The following DNAH17 variants were observed in gnomAD, a reference collection of about 807,000 sequenced individuals.
The protein encoded by DNAH17 is dynein axonemal heavy chain 17.
DNAH17 carries 376 observed loss-of-function variants against 485.6 expected under a neutral mutation model. The ratio of observed to expected loss-of-function variants is 0.77; its 90% CI spans 0.71 to 0.84. The LOEUF (loss-of-function observed/expected upper bound fraction) is 0.84. Ranked by LOEUF, DNAH17 falls within the 40% of genes least tolerant of loss-of-function variation. The probability of loss-of-function intolerance (pLI) is 0.00; values close to 1 mark genes in which losing one functional copy is unlikely to be tolerated. For synonymous variants in DNAH17, 3,031 were observed against 2,405.9 expected (o/e 1.26, Z -7.60); for missense variants, 6,370 against 5,839.3 (o/e 1.09, Z -2.96).
At chr17:78,436,718 G>A (rs1686593966) in intron 74 of DNAH17, among the ~76,000 whole-genome samples, 1 of 152,068 alleles carries the variant, frequency 6.6e-6, no homozygotes, top group South Asian at 2.1e-4. Flanking sequence ...GGTGGTGCAT[G>A]CCTGTAATCC....
chr17:78,543,046 G>A (rs73999116), intron 17 of DNAH17, among the ~76,000 whole-genome samples: 1,567 of 152,330 alleles, frequency 0.01, 37 homozygotes, highest in East Asian at 0.073. Flanking sequence ...AGAGGAACCA[G>A]GCTTGGAAGT....
intron 16 of DNAH17, among the ~76,000 whole-genome samples, chr17:78,545,139 T>A (rs1032365592): frequency 1.3e-5 from 2 of 152,200 alleles, no homozygotes; most frequent in African/African-American, 4.8e-5. Context: ...CGATGAAGAC[T>A]TAGATCACCC....
At chr17:78,544,322 C>T (rs560938575) in intron 16 of DNAH17, among the ~76,000 whole-genome samples, 12 of 152,242 alleles carry the variant, frequency 7.9e-5, no homozygotes, top group East Asian at 3.9e-4. Context: ...TTTAGGGGGA[C>T]GGAAGGACCC....
At chr17:78,426,725 A>G in intron 78 of DNAH17, 125 bp from the exon 79 acceptor site, 1 of 1,392,416 alleles carries the variant, frequency 7.2e-7, no homozygotes, top group South Asian at 1.4e-5. Context: ...GACGCCCTGC[A>G]TCAGGGCCAC....
At chr17:78,503,139 G>A (rs937595625) in intron 31 of DNAH17, 128 bp from the exon 32 acceptor site, 37 of 819,428 alleles carry the variant, frequency 4.5e-5, no homozygotes, top group Non-Finnish European at 5.7e-5. Flanking sequence ...GACAGGTCAA[G>A]GATTTTACAG....
At chr17:78,546,715 G>T (rs1310553445) in intron 16 of DNAH17, among the ~76,000 whole-genome samples, 3 of 152,186 alleles carry the variant, frequency 2.0e-5, no homozygotes, top group Admixed American at 6.5e-5. Flanking sequence ...AGACCTGCCT[G>T]AACAACATGG....
intron 70 of DNAH17, among the ~76,000 whole-genome samples, chr17:78,445,050 T>G (rs1035791300): frequency 1.3e-5 from 2 of 152,168 alleles, no homozygotes; most frequent in African/African-American, 4.8e-5. Context: ...GGCTAGGGGC[T>G]GCTTCTCTAG....
intron 77 of DNAH17, among the ~76,000 whole-genome samples, chr17:78,427,932 C>T (rs1054534086): frequency 2.0e-5 from 3 of 148,144 alleles, no homozygotes; most frequent in Non-Finnish European, 4.4e-5. Flanking sequence ...TGCCATTGCA[C>T]TCCAGCCTGG....
rs691710 is a variant in DNAH17, at chr17:78,515,189, G to A, written c.3865-167C>T. On this transcript the variant is annotated intron_variant, in intron 25 of 80. Coordinates refer to ENST00000389840, the MANE Select transcript of DNAH17 (RefSeq NM_173628.4). Reference sequence around the variant, plus strand: ...TGATTAGATACAAGAAAAAACAACCGTGGCGTCACAAAAGGTAAGATTTAA... The same window carrying A: ...TGATTAGATACAAGAAAAAACAACCATGGCGTCACAAAAGGTAAGATTTAA... Among the ~76,000 whole-genome samples the A allele has an allele frequency of 0.25, 37,425 of 152,008 alleles. 5,121 individuals carry two copies. The highest frequency in any genetic ancestry group is 0.47 in the East Asian group (2,422 of 5,160).
chr17:78,431,354 C>T (rs958933807), intron 75 of DNAH17, among the ~76,000 whole-genome samples: 10 of 152,234 alleles, frequency 6.6e-5, no homozygotes, highest in Non-Finnish European at 1.5e-4. Flanking sequence ...CTGTGCCCCT[C>T]TCCCCCTCCT....
chr17:78,569,642 A>C (rs1598745318), intron 7 of DNAH17, 115 bp from the exon 8 acceptor site: 2 of 1,302,642 alleles, frequency 1.5e-6, no homozygotes, highest in Non-Finnish European at 1.0e-6. Context: ...TCTGAAAATA[A>C]CCCCTCCTAT....
chr17:78,550,740 A>G (rs1426519410), intron 16 of DNAH17, among the ~76,000 whole-genome samples: 1 of 152,132 alleles, frequency 6.6e-6, no homozygotes, highest in Non-Finnish European at 1.5e-5. Flanking sequence ...CCGCCCTAGC[A>G]AACACACACA....
intron 16 of DNAH17, among the ~76,000 whole-genome samples, chr17:78,544,778 G>A (rs1246819547): frequency 9.7e-6 from 1 of 102,914 alleles, no homozygotes; most frequent in Non-Finnish European, 1.9e-5. Flanking sequence ...TCCAGCCTGG[G>A]GCACAGAGCG....
rs11399691 is a variant in DNAH17 at position 78,439,665 on chromosome 17, C to CTTT, written c.11678-451_11678-449dup. Among the ~76,000 whole-genome samples the CTTT allele has an allele frequency of 9.7e-3, 897 of 92,106 alleles. 26 individuals carry two copies. The highest frequency in any genetic ancestry group is 0.022 in the Middle Eastern group (2 of 90). The allele number at this position is 92,106 out of a possible 152,430, so 60.4% of individuals were successfully genotyped here. A position where few individuals can be genotyped will look rare whatever the true frequency, so the allele number is the denominator to read the frequency against. ...CGTTGTAGCATGTATCAGTACTTCA[C>CTTT]TTTTTTTTTTTTTTTTTTTTTTGAG... On this transcript the variant is annotated intron_variant, in intron 72 of 80. Coordinates refer to ENST00000389840, the MANE Select transcript of DNAH17 (RefSeq NM_173628.4).
At chr17:78,439,026 G>A in intron 73 of DNAH17, 64 bp downstream of exon 73, 2 of 1,572,294 alleles carry the variant, frequency 1.3e-6, no homozygotes, top group Admixed American at 1.9e-5. Context: ...GGGCCTTCTG[G>A]CCCATCCCCA....
intron 48 of DNAH17, among the ~76,000 whole-genome samples, chr17:78,484,574 T>A (rs953951550): frequency 6.6e-6 from 1 of 151,352 alleles, no homozygotes; most frequent in Non-Finnish European, 1.5e-5. Context: ...GGAAGGAGGA[T>A]CCCCCCCTCC....
At position 78,500,529 on chromosome 17, in the gene DNAH17, G is replaced by A. The variant is rs567777801; in HGVS notation, c.5484-68C>T. The stretch of plus-strand genomic sequence containing the variant: ...GGCCTCCCTGCTTTTATTTTTTTGA[G>A]ACAGAGTCTCACTCTGTCACCCAGG... On this transcript the variant is annotated intron_variant, in intron 35 of 80. Transcript: ENST00000389840. The A allele has an allele frequency of 1.2e-5, 18 of 1,449,868 alleles. No homozygotes were observed. The South Asian group carries it at 2.0e-4, about 16-fold the overall frequency. 89.8% of individuals were successfully genotyped at this position (1,449,868 alleles called of 1,614,324 possible).
chr17:78,495,814 G>A, intron 38 of DNAH17, 61 bp downstream of exon 38: 1 of 1,570,042 alleles, frequency 6.4e-7, no homozygotes, highest in South Asian at 1.2e-5. Context: ...CCTTGGCACT[G>A]GGACGTTGCT....
chr17:78,491,809 C>T (rs1450940144), intron 42 of DNAH17, among the ~76,000 whole-genome samples: 1 of 152,224 alleles, frequency 6.6e-6, no homozygotes, highest in Non-Finnish European at 1.5e-5. Context: ...CTGCACCCTC[C>T]CTGTCAGCCC....
Sources: gnomAD v4.1 joint callset for allele counts (sites outside exome capture counted in the v4.1 genomes callset) on GRCh38, gnomAD v4.1.1 for gene constraint, MANE v1.5 for transcripts, NCBI Gene and HGNC (gene_info 2026-07-23, HGNC 2026-07-21) for gene names.